RALGPS2: variants seen among roughly 807,000 people sequenced by gnomAD.
RALGPS2 encodes Ral GEF with PH domain and SH3 binding motif 2.
Under a neutral mutation model 86.8 loss-of-function variants are expected in RALGPS2, and 43 were observed. The ratio of observed to expected loss-of-function variants is 0.50; its 90% CI spans 0.39 to 0.64. The LOEUF (loss-of-function observed/expected upper bound fraction) is 0.64, where lower values mean the gene tolerates loss of function less well. Among genes scored for constraint, RALGPS2 ranks in the 30% least tolerant of loss-of-function variants. The pLI, the probability that RALGPS2 is intolerant of heterozygous loss-of-function variation, is 0.00. For missense variants in RALGPS2, 536 were observed against 694.6 expected (o/e 0.77, Z 2.57); for synonymous variants, 243 against 231.3 (o/e 1.05, Z -0.46).
At chr1:178,772,292 T>A (rs1652848876) in intron 1 of RALGPS2, among the ~76,000 whole-genome samples, 1 of 152,218 alleles carries the variant, frequency 6.6e-6, no homozygotes, top group African/African-American at 2.4e-5. Flanking sequence ...TTTTATGGGG[T>A]AGTCTTCTGA....
At chr1:178,856,714 C>T (rs1657611715) in intron 8 of RALGPS2, among the ~76,000 whole-genome samples, 2 of 152,012 alleles carry the variant, frequency 1.3e-5, no homozygotes, top group South Asian at 4.1e-4. Flanking sequence ...CTCATCTTAA[C>T]ACATAATTGT....
rs143245215 is a variant in RALGPS2, at chr1:178,815,850, A to G, written c.387+4446A>G. Among the ~76,000 whole-genome samples the G allele has an allele frequency of 6.2e-4, 95 of 152,332 alleles. No individual in the cohort carries two copies. The East Asian group carries it at 0.017, about 28-fold the overall frequency. On this transcript the variant is annotated intron_variant, in intron 6 of 19. Coordinates refer to ENST00000367635, the MANE Select transcript of RALGPS2 (RefSeq NM_152663.5). ...TTTATGTAAGTGGGATCCTACAGAA[A>G]GCTATTACTTGTGGTTGACTACTCT...
At chr1:178,868,105 G>T (rs1359881249) in intron 8 of RALGPS2, among the ~76,000 whole-genome samples, 1 of 151,590 alleles carries the variant, frequency 6.6e-6, no homozygotes, top group Non-Finnish European at 1.5e-5. Flanking sequence ...AGCACACATG[G>T]GTATTTTTTT....
chr1:178,810,865 A>C (rs1251841218), intron 5 of RALGPS2, among the ~76,000 whole-genome samples: 1 of 152,074 alleles, frequency 6.6e-6, no homozygotes, highest in Non-Finnish European at 1.5e-5. Context: ...TTCATAGTAC[A>C]TGAATTAAAG....
intron 8 of RALGPS2, among the ~76,000 whole-genome samples, chr1:178,846,696 A>C (rs1459687036): frequency 6.6e-6 from 1 of 152,228 alleles, no homozygotes; most frequent in Non-Finnish European, 1.5e-5. Context: ...AAAAAATAAG[A>C]ACAGCAGCTA....
At chr1:178,882,122 T>A (rs913105719) in intron 10 of RALGPS2, among the ~76,000 whole-genome samples, 6 of 152,238 alleles carry the variant, frequency 3.9e-5, no homozygotes, top group African/African-American at 1.2e-4. Context: ...GCACTCAGAC[T>A]AGCCTTCACT....
intron 1 of RALGPS2, among the ~76,000 whole-genome samples, chr1:178,771,574 A>ATT (rs113807229): frequency 1.3e-5 from 2 of 151,180 alleles, no homozygotes; most frequent in Non-Finnish European, 3.0e-5. Flanking sequence ...ATAGTTACTT[A>ATT]TTTTTTTTTC....
Position 178,875,244 on chromosome 1 carries a change from T to A in RALGPS2, c.608-2254T>A, listed in dbSNP as rs919030658. On this transcript the variant is annotated intron_variant, in intron 8 of 19. Transcript: ENST00000367635. ...GAGACAGGATACCCAGTAATCTTTTTTCCCATCTCAAAGTTTTTCACAATT... is the reference window on the plus strand; with the variant it reads ...GAGACAGGATACCCAGTAATCTTTTATCCCATCTCAAAGTTTTTCACAATT... Among the ~76,000 whole-genome samples the A allele has an allele frequency of 3.3e-5, 5 of 152,342 alleles. No individual in the cohort carries two copies. In the South Asian group the frequency reaches 1.0e-3, roughly 32 times the overall value.
At chr1:178,853,590 T>C in intron 8 of RALGPS2, 1 of 1,591,220 alleles carries the variant, frequency 6.3e-7, no homozygotes, top group Non-Finnish European at 8.5e-7. Flanking sequence ...CATCACTGAT[T>C]TACCTTATAA....
chr1:178,776,177 C>T (rs953339662), intron 1 of RALGPS2, among the ~76,000 whole-genome samples: 2 of 152,060 alleles, frequency 1.3e-5, no homozygotes, highest in Non-Finnish European at 2.9e-5. Context: ...ACAAATCCCC[C>T]ATGGATACTG....
chr1:178,856,394 A>ATTTTTTTTT (rs71108081), intron 8 of RALGPS2, among the ~76,000 whole-genome samples: 2,437 of 36,458 alleles, frequency 0.067, 629 homozygotes, highest in Non-Finnish European at 0.092. Context: ...TGCCTGGCTA[A>ATTTTTTTTT]TTTTTTTTTT....
At chr1:178,866,129 G>A (rs913081811) in intron 8 of RALGPS2, among the ~76,000 whole-genome samples, 5 of 152,090 alleles carry the variant, frequency 3.3e-5, no homozygotes, top group African/African-American at 4.8e-5. Context: ...AGGCTTTTGA[G>A]ACCCTGATAA....
At chr1:178,776,882 A>G (rs1653113691) in intron 2 of RALGPS2, 61 bp downstream of exon 2, 8 of 1,378,890 alleles carry the variant, frequency 5.8e-6, no homozygotes, top group East Asian at 4.7e-5. Flanking sequence ...TTTTTCAAGC[A>G]TTATGTTTGT....
intron 4 of RALGPS2, among the ~76,000 whole-genome samples, chr1:178,797,848 TC>T (rs1451963311): frequency 6.6e-6 from 1 of 152,048 alleles, no homozygotes; most frequent in Non-Finnish European, 1.5e-5. Context: ...ATTACTCCTC[TC>T]CTACTCCTCA....
chr1:178,847,835 T>G (rs1656941496), intron 8 of RALGPS2, among the ~76,000 whole-genome samples: 1 of 152,234 alleles, frequency 6.6e-6, no homozygotes, highest in Admixed American at 6.5e-5. Flanking sequence ...CTACGAGGCA[T>G]GAAGCCCAGA....
chr1:178,735,740 A>G (rs1027847982), intron 1 of RALGPS2, among the ~76,000 whole-genome samples: 1 of 151,946 alleles, frequency 6.6e-6, no homozygotes, highest in Non-Finnish European at 1.5e-5. Flanking sequence ...TCTCAAAAGT[A>G]AAAAATGAAA....
intron 6 of RALGPS2, among the ~76,000 whole-genome samples, chr1:178,816,866 G>A (rs369940081): frequency 6.6e-6 from 1 of 151,566 alleles, no homozygotes; most frequent in South Asian, 2.1e-4. Context: ...GCACCACCAC[G>A]CCCAGCTAAT....
At chr1:178,728,132 G>A (rs1417158394) in intron 1 of RALGPS2, among the ~76,000 whole-genome samples, 1 of 151,182 alleles carries the variant, frequency 6.6e-6, no homozygotes, top group Non-Finnish European at 1.5e-5. Flanking sequence ...TTATTCTTTT[G>A]GTTTATGTAG....
chr1:178,803,150 C>G (rs1654563480), intron 4 of RALGPS2, among the ~76,000 whole-genome samples: 1 of 152,112 alleles, frequency 6.6e-6, no homozygotes, highest in Non-Finnish European at 1.5e-5. Context: ...TGAAAAGGTT[C>G]ATACTCTTTG....
Sources: gnomAD v4.1 joint callset for allele counts (sites outside exome capture counted in the v4.1 genomes callset) on GRCh38, gnomAD v4.1.1 for gene constraint, MANE v1.5 for transcripts, NCBI Gene and HGNC (gene_info 2026-07-23, HGNC 2026-07-21) for gene names.